SLC20A1: variants seen among roughly 807,000 people sequenced by gnomAD.
The protein encoded by SLC20A1 is solute carrier family 20 member 1.
A neutral mutation model predicts 62.7 loss-of-function variants in SLC20A1; 28 were observed. The observed-to-expected ratio is 0.45, with a 90% CI of 0.33 to 0.61. SLC20A1 has a LOEUF of 0.61. Ranked by LOEUF, SLC20A1 falls within the 20% of genes least tolerant of loss-of-function variation. The pLI, the probability that SLC20A1 is intolerant of heterozygous loss-of-function variation, is 0.02. For missense variants in SLC20A1, 673 were observed against 838.6 expected (o/e 0.80, Z 2.44); for synonymous variants, 305 against 302.9 (o/e 1.01, Z -0.07).
In SLC20A1 at chr2:112,646,804, T is replaced by A. The variant is rs936178229; in HGVS notation, c.-25T>A. The A allele has an allele frequency of 6.4e-7, 1 of 1,568,310 alleles. No homozygotes were observed. The highest frequency in any genetic ancestry group is 8.7e-7 in the Non-Finnish European group (1 of 1,147,940). Reference sequence around the variant, plus strand: ...CTTGAAAGGCGCTCAGTAGTTCTCTTACTAAACAACCACTACTCCAGAGAA... The same window carrying A: ...CTTGAAAGGCGCTCAGTAGTTCTCTAACTAAACAACCACTACTCCAGAGAA... On this transcript the variant is annotated 5_prime_UTR_variant, in exon 2 of 11. Coordinates refer to ENST00000272542, the MANE Select transcript of SLC20A1 (RefSeq NM_005415.5).
In SLC20A1 at chr2:112,663,637, T is replaced by G. The variant is rs147285360; in HGVS notation, c.*612T>G. On this transcript the variant is annotated 3_prime_UTR_variant, in exon 11 of 11. Coordinates refer to ENST00000272542, the MANE Select transcript of SLC20A1 (RefSeq NM_005415.5). ...ACTTTTTTGCAAGCAGTTTATTGACTGTTATTGCTAAGAAGAAGTAAGAAA... is the reference window on the plus strand; with the variant it reads ...ACTTTTTTGCAAGCAGTTTATTGACGGTTATTGCTAAGAAGAAGTAAGAAA... 0.01 allele frequency: 1,586 copies of G among 155,178 alleles called. 32 individuals are homozygous for G. The highest frequency in any genetic ancestry group is 0.036 in the African/African-American group (1,489 of 41,546). 9.6% of individuals were successfully genotyped at this position (155,178 alleles called of 1,614,324 possible).
intron 5 of SLC20A1, among the ~76,000 whole-genome samples, chr2:112,654,200 C>T (rs556794998): frequency 3.9e-5 from 6 of 152,266 alleles, no homozygotes; most frequent in East Asian, 3.9e-4. Context: ...TAATCAGGAA[C>T]GAAACAGACA....
intron 5 of SLC20A1, 165 bp downstream of exon 5, chr2:112,652,963 C>A (rs751832547): frequency 6.5e-7 from 1 of 1,550,234 alleles, no homozygotes; most frequent in Non-Finnish European, 8.7e-7. Context: ...CTGAGTTAAC[C>A]TAGATAGTTT....
chr2:112,661,298 G>A, intron 10 of SLC20A1, 72 bp downstream of exon 10: 1 of 1,174,128 alleles, frequency 8.5e-7, no homozygotes, highest in Non-Finnish European at 1.3e-6. Flanking sequence ...TTACTTCTCT[G>A]ATACTTTGAT....
chr2:112,651,591 A>C (rs1686437816), intron 4 of SLC20A1, among the ~76,000 whole-genome samples: 1 of 152,040 alleles, frequency 6.6e-6, no homozygotes, highest in South Asian at 2.1e-4. Flanking sequence ...TATTTTTAGT[A>C]GAGACAGGGT....
chr2:112,661,169 C>T lies in SLC20A1; in HGVS notation c.1821C>T (p.Ala607=), dbSNP rs777728942. ...GCTTCAGTATTGAACTGGCATCTGCCCTCACTGTGGTGATTGCATCAAATA... is the reference window on the plus strand; with the variant it reads ...GCTTCAGTATTGAACTGGCATCTGCTCTCACTGTGGTGATTGCATCAAATA... The part of the protein sequence containing the change: ...SSGFSIELAS[A]LTVVIASNIG... The change falls in exon 10 of 11, where the codon GCC becomes GCT. Residue 607 remains alanine, a synonymous_variant. Transcript: ENST00000272542. The T allele has an allele frequency of 1.2e-6, 2 of 1,613,948 alleles. No individual in the cohort carries two copies. Among genetic ancestry groups the T allele is most frequent in the African/African-American group, 2.7e-5 (2 of 74,942 alleles).
intron 9 of SLC20A1, 165 bp downstream of exon 9, chr2:112,660,737 A>T: frequency 1.5e-6 from 1 of 654,982 alleles, no homozygotes; most frequent in Non-Finnish European, 2.5e-6. Context: ...GCCCTTAAAC[A>T]TTTTGGTCAG....
chr2:112,659,753 A>G lies in SLC20A1; in HGVS notation c.1598A>G (p.Asn533Ser), dbSNP rs1390688770. The G allele has an allele frequency of 1.2e-6, 2 of 1,612,282 alleles. No individual in the cohort carries two copies. The change falls in exon 8 of 11, where the codon AAT (asparagine) becomes AGT (serine). Residue 533 changes from asparagine (N) to serine (S), a missense_variant. Transcript: ENST00000272542. The part of the protein sequence containing the change: ...ACFGSFAHGG[N>S]DVSNAIGPLV... The stretch of plus-strand genomic sequence containing the variant: ...TTTGGGTCATTCGCCCATGGTGGCA[A>G]TGACGTAAGGTCAGTTGACATTGAT...
In SLC20A1 at chr2:112,648,473, G is replaced by T. The variant is rs1202988104; in HGVS notation, c.561+735G>T. ...GAAACAAAGTTGTCCTTTTTCTAAG[G>T]TGAATGGCTCTTAACAATCCATTGT... On this transcript the variant is annotated intron_variant, in intron 4 of 10. Coordinates refer to ENST00000272542, the MANE Select transcript of SLC20A1 (RefSeq NM_005415.5). Among the ~76,000 whole-genome samples the T allele has an allele frequency of 5.3e-5, 8 of 152,280 alleles. No individual in the cohort carries two copies. The East Asian group carries it at 1.5e-3, about 29-fold the overall frequency.
chr2:112,657,415 T>A (rs996300807), intron 6 of SLC20A1, among the ~76,000 whole-genome samples, 174 bp downstream of exon 6: 3 of 152,216 alleles, frequency 2.0e-5, no homozygotes, highest in Non-Finnish European at 4.4e-5. Context: ...TTACATGACC[T>A]AAGACCTGTT....
chr2:112,657,329 G>C, intron 6 of SLC20A1, 88 bp downstream of exon 6: 1 of 1,347,358 alleles, frequency 7.4e-7, no homozygotes, highest in Non-Finnish European at 1.0e-6. Context: ...TATTAGAAGA[G>C]ATTGGCAAAA....
Position 112,662,777 on chromosome 2 carries a change from T to G in SLC20A1, c.1879-87T>G, listed in dbSNP as rs537336996. On this transcript the variant is annotated intron_variant, in intron 10 of 10. Coordinates refer to ENST00000272542, the MANE Select transcript of SLC20A1 (RefSeq NM_005415.5). The stretch of plus-strand genomic sequence containing the variant: ...TTTGTCTTGTCCAGGGGTCTGGGGC[T>G]CCTTGTCCAAACAGTCTCAGGTGTC... 16 of 1,381,106 alleles carry G rather than the reference T, an allele frequency of 1.2e-5. No individual in the cohort carries two copies. The South Asian group carries it at 1.8e-4, about 15-fold the overall frequency. 85.6% of individuals were successfully genotyped at this position (1,381,106 alleles called of 1,614,324 possible).
At chr2:112,650,914 C>T (rs1262383086) in intron 4 of SLC20A1, among the ~76,000 whole-genome samples, 2 of 152,160 alleles carry the variant, frequency 1.3e-5, no homozygotes, top group Non-Finnish European at 2.9e-5. Flanking sequence ...ACATGAGCCA[C>T]CACCACACCT....
chr2:112,661,845 G>A (rs1026515755), intron 10 of SLC20A1, among the ~76,000 whole-genome samples: 2 of 152,134 alleles, frequency 1.3e-5, no homozygotes, highest in African/African-American at 4.8e-5. Flanking sequence ...CACCGCGCCC[G>A]GCCGACAGCA....
rs555852623 is a variant in SLC20A1 at position 112,652,790 on chromosome 2, G to C, written c.650G>C (p.Gly217Ala). Residue 217 changes from glycine (G) to alanine (A), a missense_variant, in exon 5 of 11, where the codon GGA becomes GCA. Transcript: ENST00000272542. ...GINLFSIMYT[G>A]APLLGFDKLP... ...AACCTCTTTTCCATCATGTATACTGGAGCACCGTGTAAGTACCTATCAAAA... is the reference window on the plus strand; with the variant it reads ...AACCTCTTTTCCATCATGTATACTGCAGCACCGTGTAAGTACCTATCAAAA... 6.2e-7 allele frequency: 1 copy of C among 1,613,856 alleles called. No individual in the cohort carries two copies. Among genetic ancestry groups the C allele is most frequent in the Middle Eastern group, 1.6e-4 (1 of 6,062 alleles).
At position 112,652,758 on chromosome 2, in the gene SLC20A1, T is replaced by A; in HGVS notation, c.618T>A (p.Val206=). The part of the protein sequence containing the change: ...RALPVFYACT[V]GINLFSIMYT... Reference sequence around the variant, plus strand: ...TGCCAGTTTTCTATGCCTGCACAGTTGGAATAAACCTCTTTTCCATCATGT... The same window carrying A: ...TGCCAGTTTTCTATGCCTGCACAGTAGGAATAAACCTCTTTTCCATCATGT... The change falls in exon 5 of 11, where the codon GTT becomes GTA. Residue 206 remains valine (V), a synonymous_variant. Coordinates refer to ENST00000272542, the MANE Select transcript of SLC20A1 (RefSeq NM_005415.5). 6.2e-7 allele frequency: 1 copy of A among 1,614,208 alleles called. No homozygotes were observed. Among genetic ancestry groups the A allele is most frequent in the Non-Finnish European group, 8.5e-7 (1 of 1,180,014 alleles).
chr2:112,652,828 A>C, intron 5 of SLC20A1, 30 bp downstream of exon 5: 2 of 1,606,016 alleles, frequency 1.2e-6, no homozygotes, highest in South Asian at 1.1e-5. Flanking sequence ...TTTAAATGTG[A>C]ATTTAAAGTT....
At position 112,646,754 on chromosome 2, in the gene SLC20A1, G is replaced by C; in HGVS notation, c.-75G>C. 1.2e-6 allele frequency: 1 copy of C among 836,188 alleles called. No individual in the cohort carries two copies. Among genetic ancestry groups the C allele is most frequent in the Non-Finnish European group, 1.9e-6 (1 of 537,924 alleles). 51.8% of individuals were successfully genotyped at this position (836,188 alleles called of 1,614,324 possible). On this transcript the variant is annotated 5_prime_UTR_variant, in exon 2 of 11. Transcript: ENST00000272542. Reference sequence around the variant, plus strand: ...ATATATTATTTATTATAGCATTTTTGATACCTCATATTCTGTTTACACATC... The same window carrying C: ...ATATATTATTTATTATAGCATTTTTCATACCTCATATTCTGTTTACACATC...
rs1170019624 is a variant in SLC20A1 at position 112,663,098 on chromosome 2, TAC to T, written c.*75_*76del. ...TATTCCTGCTCCCCTGAAGAATGAT[TAC>T]AGTGTTAACAGAAGACTGACAAGAG... On this transcript the variant is annotated 3_prime_UTR_variant, in exon 11 of 11. Coordinates refer to ENST00000272542, the MANE Select transcript of SLC20A1 (RefSeq NM_005415.5). The T allele has an allele frequency of 6.6e-7, 1 of 1,526,520 alleles. No homozygotes were observed. Among genetic ancestry groups the T allele is most frequent in the East Asian group, 2.3e-5 (1 of 44,442 alleles). 94.6% of individuals were successfully genotyped at this position (1,526,520 alleles called of 1,614,324 possible).
Sources: gnomAD v4.1 joint callset for allele counts (sites outside exome capture counted in the v4.1 genomes callset) on GRCh38, gnomAD v4.1.1 for gene constraint, MANE v1.5 for transcripts, NCBI Gene and HGNC (gene_info 2026-07-23, HGNC 2026-07-21) for gene names.